Variants in TBC1D28 observed in about 807,000 individuals in gnomAD.
The protein encoded by TBC1D28 is TBC1 domain family, member 28.
In TBC1D28, 20 loss-of-function variants were observed where a neutral mutation model predicts 29.2. That is an observed-to-expected ratio of 0.68 (90% confidence interval 0.48 to 0.99). The LOEUF (loss-of-function observed/expected upper bound fraction) is 0.99, where lower values mean the gene tolerates loss of function less well. Among genes scored for constraint, TBC1D28 ranks in the 50% least tolerant of loss-of-function variants. The pLI, the probability that TBC1D28 is intolerant of heterozygous loss-of-function variation, is 0.00. For synonymous variants in TBC1D28, 65 were observed against 90.9 expected (o/e 0.71, Z 1.62); for missense variants, 205 against 243.7 (o/e 0.84, Z 1.06).
chr17:18,641,164 G>A (rs2031744898), intron 3 of TBC1D28, 60 bp from the exon 5 acceptor site: 1 of 983,338 alleles, frequency 1.0e-6, no homozygotes, highest in African/African-American at 1.9e-5. Context: ...GAGGCCCAGG[G>A]AGGTGGGCAG....
exon 9 of TBC1D28, chr17:18,636,143 G>C: frequency 8.7e-7 from 1 of 1,149,848 alleles, no homozygotes; most frequent in Non-Finnish European, 1.1e-6. Flanking sequence ...GTGGGGATCA[G>C]GCAAAGGGGA....
chr17:18,638,317 T>C (rs781416232), exon 7 of TBC1D28: 3 of 1,614,134 alleles, frequency 1.9e-6, no homozygotes, highest in South Asian at 1.1e-5. Context: ...ACTTACCTTA[T>C]ATTTGCCTGG....
In TBC1D28 at chr17:18,638,137, G is replaced by A. The variant is rs555907299; in HGVS notation, c.388-164C>T. 231 of 1,361,096 alleles carry A rather than the reference G, an allele frequency of 1.7e-4. 2 individuals carry two copies. In the South Asian group the frequency reaches 2.9e-3, roughly 17 times the overall value. 84.3% of individuals were successfully genotyped at this position (1,361,096 alleles called of 1,614,324 possible). A position where few individuals can be genotyped will look rare whatever the true frequency, so the allele number is the denominator to read the frequency against. On this transcript the variant is annotated intron_variant, in intron 7 of 8. Coordinates refer to ENST00000345096, the Ensembl canonical transcript of TBC1D28. The stretch of plus-strand genomic sequence containing the variant: ...TGCCTTGTTTCTGACGCCAGGGAGG[G>A]TCAGCAGAGCCCAGCGCACCTGTGG...
chr17:18,642,068 C>A (rs888744009), exon 1 of TBC1D28: 1 of 156,076 alleles, frequency 6.4e-6, no homozygotes, highest in Non-Finnish European at 1.4e-5. Context: ...GGAACCGTCC[C>A]CCCCAGGAAT....
At chr17:18,641,507 C>T (rs2031763913) in intron 2 of TBC1D28, 125 bp downstream of exon 3, 3 of 819,516 alleles carry the variant, frequency 3.7e-6, no homozygotes, top group Non-Finnish European at 5.8e-6. Flanking sequence ...AGTGGCCCCA[C>T]CCCTGACTGG....
chr17:18,644,373 G>A (rs1443880856), upstream of TBC1D28: 4 of 152,252 alleles, frequency 2.6e-5, no homozygotes, highest in African/African-American at 4.8e-5. Flanking sequence ...TTATCTCTAA[G>A]AGCTCCAGAC....
chr17:18,638,555 A>G (rs55807264), intron 6 of TBC1D28, 66 bp downstream of exon 7: 825,891 of 1,494,854 alleles, frequency 0.55, 245,142 homozygotes, highest in East Asian at 0.95. Flanking sequence ...CCAGGCCAAA[A>G]CCATGGGCGC....
At chr17:18,643,339 A>G (rs1193379137), upstream of TBC1D28, among the ~76,000 whole-genome samples, 1 of 151,004 alleles carries the variant, frequency 6.6e-6, no homozygotes, top group East Asian at 1.9e-4. Flanking sequence ...CCAGGGTGCC[A>G]TGACTCATTT....
At chr17:18,642,119 C>G (rs2031798423) in exon 1 of TBC1D28, 1 of 153,372 alleles carries the variant, frequency 6.5e-6, no homozygotes, top group Admixed American at 6.5e-5. Flanking sequence ...GAGGACCAGA[C>G]AGAGAGAATG....
intron 5 of TBC1D28, 149 bp from the exon 7 acceptor site, chr17:18,638,850 G>C: frequency 1.0e-6 from 1 of 1,004,752 alleles, no homozygotes; most frequent in South Asian, 1.6e-5. Flanking sequence ...ACCCTCTGAA[G>C]GAACTGGAGC....
chr17:18,636,443 G>A, exon 9 of TBC1D28: 1 of 1,612,168 alleles, frequency 6.2e-7, no homozygotes, highest in Non-Finnish European at 8.5e-7. Flanking sequence ...CTACGTCCTG[G>A]TGGACAAACG....
At chr17:18,637,726 G>C (rs1437570951) in intron 8 of TBC1D28, 138 bp downstream of exon 9, 1 of 1,349,068 alleles carries the variant, frequency 7.4e-7, no homozygotes, top group Non-Finnish European at 1.0e-6. Context: ...CATGGTGCCG[G>C]CTGCTCCCTG....
intron 7 of TBC1D28, 82 bp downstream of exon 8, chr17:18,638,231 C>A: frequency 6.6e-7 from 1 of 1,519,040 alleles, no homozygotes; most frequent in Non-Finnish European, 9.0e-7. Context: ...CCAGGCTCAA[C>A]GTTCCCTCCA....
At chr17:18,638,055 C>T in intron 7 of TBC1D28, 82 bp from the exon 9 acceptor site, 1 of 1,543,202 alleles carries the variant, frequency 6.5e-7, no homozygotes, top group Non-Finnish European at 8.9e-7. Context: ...ATCCCACAGT[C>T]AGCACTTCTG....
intron 7 of TBC1D28, 23 bp downstream of exon 8, chr17:18,638,290 A>G (rs767117080): frequency 1.9e-6 from 3 of 1,611,966 alleles, no homozygotes; most frequent in Non-Finnish European, 2.5e-6. Flanking sequence ...GTACTGCCCT[A>G]GCTGAGTGTG....
upstream of TBC1D28, among the ~76,000 whole-genome samples, chr17:18,643,949 C>T (rs2031884295): frequency 1.3e-5 from 2 of 152,204 alleles, no homozygotes. Flanking sequence ...CTTTCAGGGC[C>T]AGACTCTGCC....
At chr17:18,637,009 C>T (rs941806975) in intron 8 of TBC1D28, among the ~76,000 whole-genome samples, 1 of 86,094 alleles carries the variant, frequency 1.2e-5, no homozygotes, top group Admixed American at 1.3e-4. Flanking sequence ...CAACGTCTCC[C>T]GGCTCTGTCA....
chr17:18,642,478 C>T (rs1319823769), upstream of TBC1D28: 1 of 151,978 alleles, frequency 6.6e-6, no homozygotes, highest in Non-Finnish European at 1.5e-5. Flanking sequence ...GAGGCCTCAG[C>T]GGTCAAAGCT....
At chr17:18,634,376 G>A (rs925805067), downstream of TBC1D28, among the ~76,000 whole-genome samples, 1 of 151,820 alleles carries the variant, frequency 6.6e-6, no homozygotes, top group Admixed American at 6.6e-5. Flanking sequence ...AAAATGCAAA[G>A]GAGTCTTCCC....
Sources: gnomAD v4.1 joint callset for allele counts (sites outside exome capture counted in the v4.1 genomes callset) on GRCh38, gnomAD v4.1.1 for gene constraint, MANE v1.5 for transcripts, NCBI Gene and HGNC (gene_info 2026-07-23, HGNC 2026-07-21) for gene names.